Variants in TCF4 observed in about 807,000 individuals in gnomAD.
TCF4 encodes the protein transcription factor 4.
TCF4 carries 3 observed loss-of-function variants against 82.1 expected under a neutral mutation model. The ratio of observed to expected loss-of-function variants is 0.04; its 90% CI spans 0.02 to 0.09. The LOEUF is 0.09. TCF4 is among the 10% of genes least tolerant of loss of function. The pLI, the probability that TCF4 is intolerant of heterozygous loss-of-function variation, is 1.00. For missense variants in TCF4, 518 were observed against 852.7 expected, an observed-to-expected ratio of 0.61 and a Z score of 4.89; for synonymous variants, 276 against 309.6, an observed-to-expected ratio of 0.89 and a Z score of 1.14.
chr18:55,615,551 T>G (rs1485341084), intron 2 of TCF4, among the ~76,000 whole-genome samples: 1 of 152,100 alleles, frequency 6.6e-6, no homozygotes, highest in Non-Finnish European at 1.5e-5. Context: ...GGCTATAACC[T>G]TAAATGCAAT....
intron 3 of TCF4, among the ~76,000 whole-genome samples, chr18:55,490,501 G>C (rs1427571227): frequency 6.6e-6 from 1 of 151,978 alleles, no homozygotes; most frequent in East Asian, 1.9e-4. Flanking sequence ...ATACTTAGCA[G>C]AGTATCATAC....
chr18:55,469,317 A>T (rs2145130108), intron 3 of TCF4, among the ~76,000 whole-genome samples: 1 of 152,202 alleles, frequency 6.6e-6, no homozygotes, highest in South Asian at 2.1e-4. Context: ...TACAAAAATT[A>T]GCTGGGCCTG....
At chr18:55,482,131 G>T (rs764368826) in intron 3 of TCF4, 2 of 152,136 alleles carry the variant, frequency 1.3e-5, no homozygotes, top group Non-Finnish European at 2.9e-5. Context: ...AGGACAAAAT[G>T]GTTCTTTGTA....
intron 3 of TCF4, among the ~76,000 whole-genome samples, chr18:55,529,213 C>A (rs778706684): frequency 3.4e-4 from 51 of 152,026 alleles, no homozygotes; most frequent in Non-Finnish European, 6.3e-4. Context: ...AGCAAAAACT[C>A]TTTTTAGAAA....
intron 6 of TCF4, among the ~76,000 whole-genome samples, chr18:55,365,715 C>A (rs1301592515): frequency 6.6e-6 from 1 of 152,068 alleles, no homozygotes; most frequent in African/African-American, 2.4e-5. Context: ...GCCTGGCCAA[C>A]ATAGTGAAAC....
At chr18:55,555,358 G>A (rs1459600557) in intron 3 of TCF4, among the ~76,000 whole-genome samples, 1 of 152,196 alleles carries the variant, frequency 6.6e-6, no homozygotes, top group Non-Finnish European at 1.5e-5. Flanking sequence ...CCAACAGACT[G>A]AGAAGTTTTC....
intron 3 of TCF4, among the ~76,000 whole-genome samples, chr18:55,563,112 T>G (rs1278169281): frequency 6.6e-6 from 1 of 151,756 alleles, no homozygotes; most frequent in Non-Finnish European, 1.5e-5. Flanking sequence ...GGTGGTGCAC[T>G]CCTGTGGTTC....
intron 3 of TCF4, among the ~76,000 whole-genome samples, chr18:55,522,649 T>C (rs2096942273): frequency 6.6e-6 from 1 of 152,114 alleles, no homozygotes; most frequent in Admixed American, 6.6e-5. Context: ...ACTTGAAAAG[T>C]TCTCTTACAA....
intron 3 of TCF4, among the ~76,000 whole-genome samples, chr18:55,577,167 C>T (rs1387574230): frequency 2.7e-4 from 37 of 136,778 alleles, no homozygotes; most frequent in Admixed American, 7.7e-5. Context: ...TGTATATATA[C>T]ATTTATATAT....
At chr18:55,588,461 A>G (rs1453037698), upstream of TCF4, 3 of 1,535,014 alleles carry the variant, frequency 2.0e-6, no homozygotes, top group South Asian at 3.6e-5. Flanking sequence ...ACGAAAATTC[A>G]TCGAGCACCT....
intron 6 of TCF4, chr18:55,400,839 T>C: frequency 8.3e-6 from 5 of 604,590 alleles, no homozygotes; most frequent in South Asian, 3.6e-5. Context: ...TGTTTCCATA[T>C]AGCACTGCTC....
Position 55,275,603 on chromosome 18 carries a change from T to C in TCF4, c.789+16A>G. ...ACTAGCTGTGACATTCCCGTTACCG[T>C]GTATGTCTGCCTTACCAAACGTTCA... On this transcript the variant is annotated intron_variant, in intron 10 of 19. Transcript: ENST00000354452. The C allele has an allele frequency of 6.2e-7, 1 of 1,613,630 alleles. No individual in the cohort carries two copies. The highest frequency in any genetic ancestry group is 1.1e-5 in the South Asian group (1 of 91,078).
intron 6 of TCF4, among the ~76,000 whole-genome samples, chr18:55,362,404 AGG>A: frequency 7.1e-6 from 1 of 141,450 alleles, no homozygotes; most frequent in African/African-American, 2.7e-5. Context: ...GAAGGAAGGA[AGG>A]AAGGAAGGAA....
intron 8 of TCF4, among the ~76,000 whole-genome samples, chr18:55,327,689 G>T (rs2076805005): frequency 2.6e-5 from 4 of 152,152 alleles, no homozygotes; most frequent in Middle Eastern, 3.4e-3. Flanking sequence ...GCAATGGGTT[G>T]TTTTTTAACT....
At chr18:55,380,080 C>T (rs754201791) in intron 6 of TCF4, among the ~76,000 whole-genome samples, 2 of 151,988 alleles carry the variant, frequency 1.3e-5, no homozygotes, top group Non-Finnish European at 2.9e-5. Context: ...AGGGTTTCAT[C>T]GTGTTGCTCA....
At chr18:55,390,569 A>T (rs2093005641) in intron 6 of TCF4, among the ~76,000 whole-genome samples, 6 of 152,212 alleles carry the variant, frequency 3.9e-5, no homozygotes, top group African/African-American at 1.4e-4. Flanking sequence ...CTATATGTGT[A>T]ACTATCTAGA....
chr18:55,369,218 A>G (rs916454323), intron 6 of TCF4, among the ~76,000 whole-genome samples: 2 of 152,222 alleles, frequency 1.3e-5, no homozygotes, highest in Non-Finnish European at 2.9e-5. Flanking sequence ...TAAATCCTAC[A>G]TGTTTTGAAA....
intron 3 of TCF4, among the ~76,000 whole-genome samples, chr18:55,514,839 T>C (rs1054786486): frequency 3.3e-5 from 5 of 152,134 alleles, no homozygotes; most frequent in African/African-American, 4.8e-5. Context: ...ATTTATAGAA[T>C]AGTACAATTT....
intron 3 of TCF4, among the ~76,000 whole-genome samples, chr18:55,511,238 G>A (rs1235366594): frequency 6.7e-6 from 1 of 149,166 alleles, no homozygotes; most frequent in African/African-American, 2.5e-5. Context: ...AAGTATAACC[G>A]GAAGCAATGA....
Sources: allele counts gnomAD v4.1 joint callset (sites outside exome capture counted in the v4.1 genomes callset), GRCh38; gene constraint gnomAD v4.1.1; transcripts MANE v1.5; gene names NCBI Gene and HGNC (gene_info 2026-07-23, HGNC 2026-07-21).